SLC6A3: variants seen among roughly 807,000 people sequenced by gnomAD.
SLC6A3 encodes sodium-dependent dopamine transporter.
A neutral mutation model predicts 70.4 loss-of-function variants in SLC6A3; 19 were observed. The ratio of observed to expected loss-of-function variants is 0.27; its 90% CI spans 0.19 to 0.40. The LOEUF is 0.40. SLC6A3 is among the 10% of genes least tolerant of loss of function. SLC6A3 has a pLI of 1.00. For missense variants in SLC6A3, 613 were observed against 838.5 expected (o/e 0.73, Z 3.32); for synonymous variants, 368 against 356.6 (o/e 1.03, Z -0.36).
intron 4 of SLC6A3, among the ~76,000 whole-genome samples, chr5:1,425,792 G>A (rs999054297): frequency 3.9e-5 from 6 of 152,088 alleles, no homozygotes; most frequent in African/African-American, 1.2e-4. Flanking sequence ...TCTAAAATAT[G>A]TAAAGAACTC....
At chr5:1,398,555 G>A (rs530490807) in intron 14 of SLC6A3, among the ~76,000 whole-genome samples, 2 of 152,258 alleles carry the variant, frequency 1.3e-5, no homozygotes, top group Admixed American at 1.3e-4. Context: ...CACAACAAAT[G>A]TAAATGGATT....
intron 8 of SLC6A3, 92 bp downstream of exon 8, chr5:1,414,599 T>C (rs2126353481): frequency 2.0e-6 from 3 of 1,471,742 alleles, no homozygotes; most frequent in Middle Eastern, 4.6e-4. Context: ...GGCCCATGCG[T>C]CTCCTTCCTC....
chr5:1,433,058 C>A (rs1220691389), intron 3 of SLC6A3, among the ~76,000 whole-genome samples: 3 of 152,116 alleles, frequency 2.0e-5, no homozygotes, highest in East Asian at 3.9e-4. Context: ...ACCAAGGTCA[C>A]CCCCAGCCAC....
At chr5:1,444,005 G>A (rs1396384629) in intron 1 of SLC6A3, among the ~76,000 whole-genome samples, 1 of 152,086 alleles carries the variant, frequency 6.6e-6, no homozygotes, top group East Asian at 1.9e-4. Flanking sequence ...GGCTTGTATT[G>A]TTTATACTCA....
chr5:1,405,237 G>A lies in SLC6A3; in HGVS notation c.1599+951C>T, dbSNP rs916168621. On this transcript the variant is annotated intron_variant, in intron 12 of 14. Transcript: ENST00000270349. The surrounding 1 kb of genome is among the most constrained non-coding windows in gnomAD (Gnocchi z 5.3). ...TGCCGGGCAGGTTCTCTCACACTAT[G>A]TTGAGCTCCTCCGGGATAGGGCCTG... is the stretch of plus-strand genomic sequence containing the variant. Among the ~76,000 whole-genome samples, 1 of 152,208 alleles carries A rather than the reference G, an allele frequency of 6.6e-6. No individual in the cohort carries two copies. The highest frequency in any genetic ancestry group is 1.5e-5 in the Non-Finnish European group (1 of 68,036).
rs10063564 is a variant in SLC6A3 at position 1,437,915 on chromosome 5, T to C, written c.418+3444A>G. On this transcript the variant is annotated intron_variant, in intron 3 of 14. Coordinates refer to ENST00000270349, the MANE Select transcript of SLC6A3 (RefSeq NM_001044.5). The surrounding 1 kb of genome is among the most constrained non-coding windows in gnomAD (Gnocchi z 4.8). ...CAATGAGACATGAAAACGTATGCAT[T>C]TTTATTAACCAGATTTTTAAAAAGG... Among the ~76,000 whole-genome samples, 1 of 152,126 alleles carries C rather than the reference T, an allele frequency of 6.6e-6. No homozygotes were observed. Among genetic ancestry groups the C allele is most frequent in the African/African-American group, 2.4e-5 (1 of 41,422 alleles).
intron 4 of SLC6A3, among the ~76,000 whole-genome samples, chr5:1,427,544 C>T (rs1177160108): frequency 6.6e-6 from 1 of 152,136 alleles, no homozygotes; most frequent in Non-Finnish European, 1.5e-5. Flanking sequence ...TGAATGGAAA[C>T]TCTAATTAAA....
At position 1,411,297 on chromosome 5, in the gene SLC6A3, T is replaced by C. The variant is rs6347; in HGVS notation, c.1215A>G (p.Ser405=). Residue 405 remains serine (S), a synonymous_variant, in exon 9 of 15, where the codon TCA becomes TCG. Coordinates refer to ENST00000270349, the MANE Select transcript of SLC6A3 (RefSeq NM_001044.5). The surrounding 1 kb of genome is among the most constrained non-coding windows in gnomAD (Gnocchi z 6.5). ...PEAIATLPLS[S]AWAVVFFIML... ...TGATGAAGAAGACCACGGCCCAGGCTGAGGACAGAGGGAGCGTGGCGATGG... is the reference window on the plus strand; with the variant it reads ...TGATGAAGAAGACCACGGCCCAGGCCGAGGACAGAGGGAGCGTGGCGATGG... 414,389 of 1,554,866 alleles carry C rather than the reference T, an allele frequency of 0.27. 59,254 individuals are homozygous for C. The highest frequency in any genetic ancestry group is 0.51 in the African/African-American group (37,445 of 73,268).
intron 3 of SLC6A3, among the ~76,000 whole-genome samples, chr5:1,440,388 T>C (rs965935875): frequency 2.0e-5 from 3 of 151,974 alleles, no homozygotes; most frequent in African/African-American, 7.2e-5. Context: ...CATAGATAGA[T>C]GAATGGATGG....
At chr5:1,439,801 G>A (rs1050161422) in intron 3 of SLC6A3, among the ~76,000 whole-genome samples, 2 of 152,262 alleles carry the variant, frequency 1.3e-5, no homozygotes, top group East Asian at 1.9e-4. Flanking sequence ...GCCCCTGAGA[G>A]GTGGCTTTGG....
In SLC6A3 at chr5:1,420,935, G is replaced by A. The variant is rs1340768128; in HGVS notation, c.793-232C>T. Among the ~76,000 whole-genome samples the A allele has an allele frequency of 4.6e-5, 7 of 152,220 alleles. 1 individual carries two copies. The highest frequency in any genetic ancestry group is 8.8e-5 in the Non-Finnish European group (6 of 68,044). ...TGGAAAGGGAAGAACAACTTGGCAGGGAAAGCACATTCCTTTTCTGCATTC... is the reference window on the plus strand; with the variant it reads ...TGGAAAGGGAAGAACAACTTGGCAGAGAAAGCACATTCCTTTTCTGCATTC... On this transcript the variant is annotated intron_variant, in intron 5 of 14. Coordinates refer to ENST00000270349, the MANE Select transcript of SLC6A3 (RefSeq NM_001044.5).
At chr5:1,415,954 T>A (rs1418616986) in intron 7 of SLC6A3, 144 bp downstream of exon 7, 3 of 704,392 alleles carry the variant, frequency 4.3e-6, no homozygotes, top group Non-Finnish European at 7.8e-6. Flanking sequence ...TCGCTGTCGC[T>A]TCTGTCTGAA....
rs904283217 is a variant in SLC6A3, at chr5:1,393,866, G to A, written c.*869C>T. On this transcript the variant is annotated 3_prime_UTR_variant, in exon 15 of 15. Transcript: ENST00000270349. ...GCGTTCTGGGGTAGTACACGCTCCT[G>A]TGGGGGCCCTGCATGCGTCCAGGGA... 3 of 148,198 alleles carry A rather than the reference G, an allele frequency of 2.0e-5. No individual in the cohort carries two copies. The highest frequency in any genetic ancestry group is 1.1e-3 in the Middle Eastern group (2 of 1,808). 9.2% of individuals were successfully genotyped at this position (148,198 alleles called of 1,614,324 possible). A position where few individuals can be genotyped will look rare whatever the true frequency, so the allele number is the denominator to read the frequency against.
In SLC6A3 at chr5:1,402,164, G is replaced by C. The variant is rs1015867850; in HGVS notation, c.1767+758C>G. Reference sequence around the variant, plus strand: ...GGCCAAGCGACTTCTTTCTGAGAAAGGCTGGGATTTGAGGAAGCAGCTTCC... The same window carrying C: ...GGCCAAGCGACTTCTTTCTGAGAAACGCTGGGATTTGAGGAAGCAGCTTCC... On this transcript the variant is annotated intron_variant, in intron 13 of 14. Coordinates refer to ENST00000270349, the MANE Select transcript of SLC6A3 (RefSeq NM_001044.5). The surrounding 1 kb of genome is among the most constrained non-coding windows in gnomAD (Gnocchi z 8.5). Among the ~76,000 whole-genome samples the C allele has an allele frequency of 3.9e-5, 6 of 151,986 alleles. No individual in the cohort carries two copies. The highest frequency in any genetic ancestry group is 3.2e-3 in the Middle Eastern group (1 of 316).
chr5:1,431,624 G>T (rs1179674773), intron 4 of SLC6A3, among the ~76,000 whole-genome samples: 3 of 149,798 alleles, frequency 2.0e-5, no homozygotes, highest in Middle Eastern at 3.4e-3. Flanking sequence ...CGGGGTGGAC[G>T]GTGTGGGGTG....
intron 1 of SLC6A3, among the ~76,000 whole-genome samples, chr5:1,444,965 A>T (rs1305873883): frequency 6.6e-6 from 1 of 150,392 alleles, no homozygotes; most frequent in Non-Finnish European, 1.5e-5. Flanking sequence ...TACAAAACCC[A>T]CTCCGATCGG....
In SLC6A3 at chr5:1,394,581, A is replaced by G. The variant is rs1028478353; in HGVS notation, c.*154T>C. 8.7e-6 allele frequency: 7 copies of G among 800,400 alleles called. No individual in the cohort carries two copies. The highest frequency in any genetic ancestry group is 1.6e-5 in the Non-Finnish European group (7 of 451,584). The allele number at this position is 800,400 out of a possible 1,614,324, so 49.6% of individuals were successfully genotyped here. On this transcript the variant is annotated 3_prime_UTR_variant, in exon 15 of 15. Transcript: ENST00000270349. The surrounding 1 kb of genome is among the most constrained non-coding windows in gnomAD (Gnocchi z 4.7). ...CCGGCACGGAAAGGTGTAAACAGTC[A>G]GAAGAGAGGAGTCTTCTGCTTTGTT...
In SLC6A3 at chr5:1,405,358, G is replaced by T. The variant is rs28363121; in HGVS notation, c.1599+830C>A. Among the ~76,000 whole-genome samples the T allele has an allele frequency of 1.4e-3, 218 of 152,324 alleles. No individual in the cohort carries two copies. The highest frequency in any genetic ancestry group is 4.6e-3 in the African/African-American group (191 of 41,570). ...CAGGTGACGAGGGGTCTCCACGCACGCGGGCCCTGCTGACTCCGGGACCAG... is the reference window on the plus strand; with the variant it reads ...CAGGTGACGAGGGGTCTCCACGCACTCGGGCCCTGCTGACTCCGGGACCAG... On this transcript the variant is annotated intron_variant, in intron 12 of 14. Coordinates refer to ENST00000270349, the MANE Select transcript of SLC6A3 (RefSeq NM_001044.5). The surrounding 1 kb of genome is among the most constrained non-coding windows in gnomAD (Gnocchi z 5.3).
At chr5:1,400,869 A>T in intron 14 of SLC6A3, 46 bp downstream of exon 14, 1 of 1,426,974 alleles carries the variant, frequency 7.0e-7, no homozygotes, top group Non-Finnish European at 9.7e-7. Context: ...GCTTGGGATC[A>T]TTCTGAATTC....
Sources: allele counts gnomAD v4.1 joint callset (sites outside exome capture counted in the v4.1 genomes callset), GRCh38; gene constraint gnomAD v4.1.1; non-coding constraint Gnocchi (gnomAD v3.1); transcripts MANE v1.5; gene names NCBI Gene and HGNC (gene_info 2026-07-23, HGNC 2026-07-21).